Variants in SGCZ observed in about 807,000 individuals in gnomAD.
The protein encoded by SGCZ is sarcoglycan zeta.
SGCZ carries 40 observed loss-of-function variants against 41.3 expected under a neutral mutation model. The observed-to-expected ratio is 0.97, with a 90% confidence interval of 0.75 to 1.26. SGCZ has a LOEUF of 1.26. SGCZ is among the 50% of genes most tolerant of loss of function. The pLI is 0.00. For missense variants in SGCZ, 552 were observed against 369.8 expected (o/e 1.49, Z -4.04); for synonymous variants, 206 against 137.5 (o/e 1.50, Z -3.49).
intron 2 of SGCZ, among the ~76,000 whole-genome samples, chr8:14,451,501 G>A (rs1049666551): frequency 1.3e-5 from 2 of 152,112 alleles, no homozygotes; most frequent in African/African-American, 2.4e-5. Context: ...ACCGAATAAT[G>A]ATGGCCTGTT....
chr8:15,129,652 T>C (rs1377938549), intron 1 of SGCZ, among the ~76,000 whole-genome samples: 1 of 141,156 alleles, frequency 7.1e-6, no homozygotes, highest in Non-Finnish European at 1.5e-5. Flanking sequence ...AATAGAGGCG[T>C]GTAAGTGCAC....
At chr8:14,339,339 T>C (rs1802618035) in intron 2 of SGCZ, among the ~76,000 whole-genome samples, 1 of 152,194 alleles carries the variant, frequency 6.6e-6, no homozygotes, top group South Asian at 2.1e-4. Context: ...TAAACCAAGT[T>C]CTGAAAACAA....
At chr8:14,522,461 T>C (rs996213105) in intron 2 of SGCZ, among the ~76,000 whole-genome samples, 1 of 151,944 alleles carries the variant, frequency 6.6e-6, no homozygotes, top group South Asian at 2.1e-4. Context: ...TGAGGTATGA[T>C]AGTTTGAGTT....
chr8:15,039,520 G>T (rs1247134106), intron 1 of SGCZ, among the ~76,000 whole-genome samples: 1 of 152,098 alleles, frequency 6.6e-6, no homozygotes, highest in South Asian at 2.1e-4. Context: ...CAGTTACAGA[G>T]GAAGAATAAG....
At chr8:14,145,657 A>G (rs1270769928) in intron 5 of SGCZ, among the ~76,000 whole-genome samples, 3 of 152,252 alleles carry the variant, frequency 2.0e-5, no homozygotes, top group Non-Finnish European at 2.9e-5. Context: ...TTTTAGACAG[A>G]GAATTTAAAA....
chr8:14,130,517 G>C (rs546456461), intron 5 of SGCZ, among the ~76,000 whole-genome samples: 1 of 152,198 alleles, frequency 6.6e-6, no homozygotes, highest in Admixed American at 6.5e-5. Context: ...AAATAAATAA[G>C]CAGTTTTTGA....
intron 1 of SGCZ, among the ~76,000 whole-genome samples, chr8:14,838,008 TA>T (rs941014017): frequency 2.6e-5 from 4 of 151,778 alleles, no homozygotes; most frequent in South Asian, 2.1e-4. Flanking sequence ...TATTCAGCCA[TA>T]AAAAAAAGAA....
chr8:14,812,870 C>G (rs547708503), intron 1 of SGCZ, among the ~76,000 whole-genome samples: 2 of 152,118 alleles, frequency 1.3e-5, no homozygotes, highest in East Asian at 3.9e-4. Context: ...ATTTTGCAAA[C>G]CTTCTGACAC....
intron 1 of SGCZ, among the ~76,000 whole-genome samples, chr8:14,757,935 T>G (rs533817198): frequency 6.6e-6 from 1 of 152,316 alleles, no homozygotes; most frequent in Non-Finnish European, 1.5e-5. Context: ...AGTTTCATCT[T>G]AATTCTCCCA....
intron 1 of SGCZ, among the ~76,000 whole-genome samples, chr8:14,947,558 A>G (rs766038354): frequency 4.6e-5 from 7 of 152,186 alleles, no homozygotes; most frequent in African/African-American, 1.4e-4. Flanking sequence ...GCATCACTTT[A>G]TAACTGCACT....
chr8:14,541,412 T>C (rs1465568258), intron 2 of SGCZ, among the ~76,000 whole-genome samples: 1 of 152,152 alleles, frequency 6.6e-6, no homozygotes, highest in East Asian at 1.9e-4. Context: ...TCTGTTCCTG[T>C]GTTAGTTTGC....
chr8:15,093,816 C>A (rs1235757819), intron 1 of SGCZ, among the ~76,000 whole-genome samples: 2 of 152,174 alleles, frequency 1.3e-5, no homozygotes, highest in Non-Finnish European at 2.9e-5. Context: ...AATAATCGGA[C>A]CATTAAACAA....
At chr8:14,886,037 A>C (rs1804793292) in intron 1 of SGCZ, among the ~76,000 whole-genome samples, 1 of 116,000 alleles carries the variant, frequency 8.6e-6, no homozygotes, top group Non-Finnish European at 1.8e-5. Flanking sequence ...ATATATATAA[A>C]ATTGTATACT....
At chr8:14,576,828 C>T (rs1041911724) in intron 1 of SGCZ, among the ~76,000 whole-genome samples, 6 of 152,142 alleles carry the variant, frequency 3.9e-5, no homozygotes, top group Admixed American at 1.3e-4. Flanking sequence ...ATTCATCTAT[C>T]CCTACTTTTG....
chr8:15,002,202 T>TAA (rs5889559), intron 1 of SGCZ, among the ~76,000 whole-genome samples: 2,990 of 146,512 alleles, frequency 0.02, 98 homozygotes, highest in African/African-American at 0.065. Flanking sequence ...TAGTCAGCTC[T>TAA]AAAAAAAAAA....
chr8:14,207,739 T>C (rs141473732), intron 4 of SGCZ, among the ~76,000 whole-genome samples: 28 of 152,284 alleles, frequency 1.8e-4, no homozygotes, highest in Admixed American at 1.2e-3. Context: ...AGAAGGAATA[T>C]TTACATTTCA....
intron 5 of SGCZ, among the ~76,000 whole-genome samples, chr8:14,123,665 A>G (rs950910177): frequency 7.2e-5 from 11 of 152,176 alleles, no homozygotes; most frequent in Admixed American, 4.6e-4. Context: ...GCAGTTTTCA[A>G]TTTAATAGTA....
intron 2 of SGCZ, among the ~76,000 whole-genome samples, chr8:14,484,651 T>C (rs1274547432): frequency 1.3e-5 from 2 of 152,188 alleles, no homozygotes; most frequent in African/African-American, 2.4e-5. Context: ...TTTTAGGTAA[T>C]TTATTCTTCT....
Position 14,168,678 on chromosome 8 carries a change from G to C in SGCZ, c.425-3976C>G, listed in dbSNP as rs1230460786. 2.6e-5 allele frequency among the ~76,000 whole-genome samples: 4 copies of C among 152,272 alleles called. No individual in the cohort carries two copies. In the South Asian group the frequency reaches 8.3e-4, roughly 32 times the overall value. ...TTATAAATTAGGCAGTCTCAGGTAT[G>C]TCTTTACTAGCAGTGTGAAAACGGA... On this transcript the variant is annotated intron_variant, in intron 4 of 7. Coordinates refer to ENST00000382080, the MANE Select transcript of SGCZ (RefSeq NM_139167.4).
Sources: allele counts gnomAD v4.1 joint callset (sites outside exome capture counted in the v4.1 genomes callset), GRCh38; gene constraint gnomAD v4.1.1; transcripts MANE v1.5; gene names NCBI Gene and HGNC (gene_info 2026-07-23, HGNC 2026-07-21).